Variants in PARN observed in about 807,000 individuals in gnomAD.
PARN encodes the protein poly(A)-specific ribonuclease PARN.
In PARN, 71 loss-of-function variants were observed where a neutral mutation model predicts 102.8. The observed-to-expected ratio is 0.69, with a 90% confidence interval of 0.57 to 0.84. The LOEUF (loss-of-function observed/expected upper bound fraction) is 0.84, where lower values mean the gene tolerates loss of function less well. Among genes scored for constraint, PARN ranks in the 40% least tolerant of loss-of-function variants. PARN has a pLI of 0.00. For missense variants in PARN, 782 were observed against 760.9 expected, an observed-to-expected ratio of 1.03 and a Z score of -0.33; for synonymous variants, 261 against 252.9, an observed-to-expected ratio of 1.03 and a Z score of -0.30.
At chr16:14,540,824 A>G (rs949461071) in intron 21 of PARN, among the ~76,000 whole-genome samples, 7 of 151,966 alleles carry the variant, frequency 4.6e-5, no homozygotes, top group Admixed American at 4.6e-4. Flanking sequence ...GGTGGTGTAC[A>G]TCTGTAGTCC....
At chr16:14,458,209 T>C (rs1961777709) in intron 22 of PARN, among the ~76,000 whole-genome samples, 1 of 152,186 alleles carries the variant, frequency 6.6e-6, no homozygotes, top group Non-Finnish European at 1.5e-5. Context: ...ATGTAAAATA[T>C]ATTATCAATA....
At chr16:14,527,549 G>C (rs184208877) in intron 21 of PARN, among the ~76,000 whole-genome samples, 3 of 152,126 alleles carry the variant, frequency 2.0e-5, no homozygotes, top group East Asian at 3.9e-4. Context: ...ACAAGATTAG[G>C]GTCCTACAAA....
chr16:14,486,486 C>A (rs1963704946), intron 21 of PARN, among the ~76,000 whole-genome samples: 1 of 152,216 alleles, frequency 6.6e-6, no homozygotes, highest in Non-Finnish European at 1.5e-5. Flanking sequence ...CTGAGTTAAT[C>A]TATTTAATGA....
Position 14,627,291 on chromosome 16 carries a change from TA to T in PARN, c.222del (p.Phe74LeufsTer11). The T allele has an allele frequency of 6.3e-7, 1 of 1,595,154 alleles. No individual in the cohort carries two copies. On this transcript the variant is annotated frameshift_variant, in exon 4 of 24. Transcript: ENST00000437198. LOFTEE classifies it high-confidence loss of function. ...TACTTTGAATCTGTGTAGTCATACT[TA>T]AAAGTGCAAAGGCCAAACTGAAATA... ...FLLFQFGLCT[F>X]KYDYTDSKYI...
intron 11 of PARN, among the ~76,000 whole-genome samples, chr16:14,602,808 C>T (rs949017864): frequency 6.6e-6 from 1 of 152,156 alleles, no homozygotes; most frequent in African/African-American, 2.4e-5. Flanking sequence ...GTGTGGGGCT[C>T]TCTGCCTCGC....
chr16:14,475,611 C>T lies in PARN; in HGVS notation c.1670+7027G>A, dbSNP rs573465204. On this transcript the variant is annotated intron_variant, in intron 22 of 23. Coordinates refer to ENST00000437198, the MANE Select transcript of PARN (RefSeq NM_002582.4). Reference sequence around the variant, plus strand: ...GTGTAAACAGCAAAAGAAATGGATGCTCATCTCTAGCAGCACTGCTAATAG... The same window carrying T: ...GTGTAAACAGCAAAAGAAATGGATGTTCATCTCTAGCAGCACTGCTAATAG... Among the ~76,000 whole-genome samples, 3 of 152,348 alleles carry T rather than the reference C, an allele frequency of 2.0e-5. No individual in the cohort carries two copies. In the South Asian group the frequency reaches 6.2e-4, roughly 32 times the overall value.
At chr16:14,440,748 G>A (rs1960906969) in intron 23 of PARN, among the ~76,000 whole-genome samples, 1 of 152,112 alleles carries the variant, frequency 6.6e-6, no homozygotes, top group African/African-American at 2.4e-5. Flanking sequence ...TTAAATGAAA[G>A]GCTCAAAAGG....
chr16:14,442,592 C>T (rs1158309580), intron 23 of PARN, among the ~76,000 whole-genome samples: 1 of 152,054 alleles, frequency 6.6e-6, no homozygotes, highest in Non-Finnish European at 1.5e-5. Context: ...CTTTCCCTCC[C>T]TCCCTCCCTC....
intron 22 of PARN, among the ~76,000 whole-genome samples, chr16:14,466,980 G>T (rs1302850878): frequency 6.8e-6 from 1 of 147,310 alleles, no homozygotes; most frequent in African/African-American, 2.4e-5. Flanking sequence ...CCAAAAAAAA[G>T]AGGTAGGTGC....
chr16:14,456,959 T>G (rs1261882605), intron 22 of PARN, among the ~76,000 whole-genome samples: 1 of 152,188 alleles, frequency 6.6e-6, no homozygotes, highest in Non-Finnish European at 1.5e-5. Context: ...TCTCTGTCAC[T>G]AGAATGTACG....
At chr16:14,483,177 T>C (rs1338584221) in intron 21 of PARN, among the ~76,000 whole-genome samples, 1 of 152,196 alleles carries the variant, frequency 6.6e-6, no homozygotes, top group African/African-American at 2.4e-5. Context: ...AGTAACAAAA[T>C]GAAAATAAAC....
At chr16:14,451,838 G>A (rs1275839311) in intron 22 of PARN, among the ~76,000 whole-genome samples, 2 of 84,092 alleles carry the variant, frequency 2.4e-5, no homozygotes, top group Admixed American at 1.9e-4. Context: ...GAGAAACCCC[G>A]TCTCTAAAAA....
At chr16:14,468,993 TA>T (rs1176474386) in intron 22 of PARN, among the ~76,000 whole-genome samples, 1 of 149,122 alleles carries the variant, frequency 6.7e-6, no homozygotes, top group Non-Finnish European at 1.5e-5. Flanking sequence ...AAAACACACA[TA>T]AAAAAACGAC....
At chr16:14,460,355 G>A (rs1642663417) in intron 22 of PARN, among the ~76,000 whole-genome samples, 1 of 152,192 alleles carries the variant, frequency 6.6e-6, no homozygotes, top group Admixed American at 6.5e-5. Context: ...GGAACTCTGA[G>A]GAAACAAGCA....
Position 14,593,491 on chromosome 16 carries a change from TTAAAAAAAAAAAAAAAA to T in PARN, c.841-130_841-114del, listed in dbSNP as rs924224282. ...TTTGTACTAAACTCGCTTTCCAGAC[TTAAAAAAAAAAAAAAAA>T]AAAAAAAAAAAAAAAGTACAAATAA... is the stretch of plus-strand genomic sequence containing the variant. On this transcript the variant is annotated intron_variant, in intron 12 of 23. Transcript: ENST00000437198. 5.4e-3 allele frequency: 148 copies of T among 27,644 alleles called. 1 individual carries two copies. The highest frequency in any genetic ancestry group is 0.037 in the Middle Eastern group (2 of 54). 1.7% of individuals were successfully genotyped at this position (27,644 alleles called of 1,614,324 possible).
intron 22 of PARN, among the ~76,000 whole-genome samples, chr16:14,482,420 A>T (rs929481471): frequency 1.3e-5 from 2 of 152,194 alleles, no homozygotes; most frequent in Non-Finnish European, 2.9e-5. Context: ...TGTCTACCTC[A>T]AAGAGGTTTT....
intron 12 of PARN, among the ~76,000 whole-genome samples, chr16:14,597,202 C>T (rs770356305): frequency 4.6e-5 from 7 of 152,010 alleles, no homozygotes; most frequent in South Asian, 2.1e-4. Context: ...TGCTGATAGA[C>T]GATAATATTA....
At chr16:14,577,839 T>C (rs924446665) in intron 18 of PARN, among the ~76,000 whole-genome samples, 1 of 151,594 alleles carries the variant, frequency 6.6e-6, no homozygotes, top group Non-Finnish European at 1.5e-5. Context: ...AGCTACTTTT[T>C]GTATTTGTAG....
intron 2 of PARN, among the ~76,000 whole-genome samples, 199 bp downstream of exon 2, chr16:14,629,398 A>G (rs574872989): frequency 2.6e-5 from 4 of 152,356 alleles, no homozygotes; most frequent in South Asian, 2.1e-4. Flanking sequence ...CCTGAGTCCA[A>G]TCACAAACCT....
Sources: gnomAD v4.1 joint callset for allele counts (sites outside exome capture counted in the v4.1 genomes callset) on GRCh38, gnomAD v4.1.1 for gene constraint, MANE v1.5 for transcripts, NCBI Gene and HGNC (gene_info 2026-07-23, HGNC 2026-07-21) for gene names.